Variants in MAMLD1 observed in about 807,000 individuals in gnomAD.
MAMLD1 encodes mastermind like domain containing 1.
MAMLD1 carries 14 observed loss-of-function variants against 45.0 expected under a neutral mutation model. That is an observed-to-expected ratio of 0.31 (90% confidence interval 0.21 to 0.49). MAMLD1 has a LOEUF of 0.49. MAMLD1 is among the 20% of genes least tolerant of loss of function. The probability of loss-of-function intolerance (pLI) is 0.99; values close to 1 mark genes in which losing one functional copy is unlikely to be tolerated. For synonymous variants in MAMLD1, 254 were observed against 247.8 expected, an observed-to-expected ratio of 1.02 and a Z score of -0.24; for missense variants, 543 against 603.6, an observed-to-expected ratio of 0.90 and a Z score of 1.05.
intron 1 of MAMLD1, among the ~76,000 whole-genome samples, chrX:150,412,974 C>T (rs1278340973): frequency 1.8e-5 from 2 of 111,249 alleles, no homozygotes; most frequent in Non-Finnish European, 3.8e-5. Context: ...GATCTGCCTG[C>T]CTCAGCCTCC....
rs1469334303 is a variant in MAMLD1 at position 150,514,029 on chromosome X, G to T, written c.*2070G>T. On this transcript the variant is annotated 3_prime_UTR_variant, in exon 8 of 8. Transcript: ENST00000370401. ...CTGTTATAGAAAACCCACACCCACT[G>T]TCCTGTAAACTTTTCTCAGTGTCCA... The T allele has an allele frequency of 3.5e-6, 1 of 287,722 alleles. No individual in the cohort carries two copies. Among genetic ancestry groups the T allele is most frequent in the African/African-American group, 2.7e-5 (1 of 36,383 alleles). 23.7% of individuals were successfully genotyped at this position (287,722 alleles called of 1,213,427 possible).
chrX:150,403,977 A>AAAGAAAGAAAGAAAGG (rs2033921433), intron 1 of MAMLD1, among the ~76,000 whole-genome samples: 1 of 99,080 alleles, frequency 1.0e-5, no homozygotes, highest in African/African-American at 3.9e-5. Flanking sequence ...AGAAAGAAAG[A>AAAGAAAGAAAGAAAGG]AAGAAAGAAA....
intron 5 of MAMLD1, among the ~76,000 whole-genome samples, chrX:150,476,892 A>C (rs905460876): frequency 4.4e-5 from 5 of 113,426 alleles, no homozygotes; most frequent in African/African-American, 1.6e-4. Flanking sequence ...GGTTGGGCCT[A>C]TGAAGAGGAT....
At chrX:150,408,975 G>A (rs782034477) in intron 1 of MAMLD1, among the ~76,000 whole-genome samples, 32 of 111,847 alleles carry the variant, frequency 2.9e-4, no homozygotes, top group African/African-American at 2.9e-4. Flanking sequence ...GGAATCTGGC[G>A]GAGAAGAATG....
intron 5 of MAMLD1, among the ~76,000 whole-genome samples, chrX:150,474,594 C>A (rs148348647): frequency 2.5e-3 from 275 of 112,065 alleles, no homozygotes; most frequent in African/African-American, 8.1e-3. Flanking sequence ...TATCTCCAGA[C>A]CCTGTACCCA....
rs144130475 is a variant in MAMLD1 at position 150,389,952 on chromosome X, T to C, written c.-64+26422T>C. ...ATGATAATGTAGCCACTAATGCTTT[T>C]GTAAAATTAATATTTGCATGGTATG... On this transcript the variant is annotated intron_variant, in intron 1 of 7. Transcript: ENST00000370401. Among the ~76,000 whole-genome samples the C allele has an allele frequency of 2.5e-3, 282 of 112,794 alleles. 1 individual carries two copies. Among genetic ancestry groups the C allele is most frequent in the African/African-American group, 8.8e-3 (273 of 31,040 alleles).
chrX:150,499,095 G>A (rs994821378), intron 5 of MAMLD1, among the ~76,000 whole-genome samples: 2 of 111,940 alleles, frequency 1.8e-5, no homozygotes, highest in African/African-American at 6.5e-5. Flanking sequence ...CTTGAACAAC[G>A]GAGGTTGGCT....
At chrX:150,384,942 C>G (rs1481165715) in intron 1 of MAMLD1, among the ~76,000 whole-genome samples, 2 of 110,873 alleles carry the variant, frequency 1.8e-5, no homozygotes, top group East Asian at 2.8e-4. Flanking sequence ...GTGGTGAGGA[C>G]ACTTAAAATC....
At chrX:150,398,186 C>T (rs1412297099) in intron 1 of MAMLD1, among the ~76,000 whole-genome samples, 1 of 102,807 alleles carries the variant, frequency 9.7e-6, no homozygotes, top group Non-Finnish European at 2.0e-5. Flanking sequence ...TGATGCTGGC[C>T]CCAGCCTACA....
rs138660979 is a variant in MAMLD1, at chrX:150,374,675, A to T, written c.-64+11145A>T. 1.3e-3 allele frequency among the ~76,000 whole-genome samples: 143 copies of T among 111,757 alleles called. 3 individuals carry two copies. In the East Asian group the frequency reaches 0.038, roughly 29 times the overall value. On this transcript the variant is annotated intron_variant, in intron 1 of 7. Transcript: ENST00000370401. Reference sequence around the variant, plus strand: ...TCAAAGAGCATGCAGTGTGTCCAGGATCTAGACAGTTTTAGAGATCCCAAT... The same window carrying T: ...TCAAAGAGCATGCAGTGTGTCCAGGTTCTAGACAGTTTTAGAGATCCCAAT...
intron 5 of MAMLD1, among the ~76,000 whole-genome samples, chrX:150,483,540 A>G (rs2036889331): frequency 8.9e-6 from 1 of 112,674 alleles, no homozygotes; most frequent in African/African-American, 3.2e-5. Flanking sequence ...CAAGGCTTGG[A>G]GGCCGATGAA....
intron 1 of MAMLD1, among the ~76,000 whole-genome samples, chrX:150,409,886 G>A (rs2034084088): frequency 8.9e-6 from 1 of 112,650 alleles, no homozygotes. Flanking sequence ...TTTGTGGGGA[G>A]GTGGGGGAAG....
chrX:150,406,084 G>A (rs1482026044), intron 1 of MAMLD1, among the ~76,000 whole-genome samples: 1 of 111,620 alleles, frequency 9.0e-6, no homozygotes, highest in Non-Finnish European at 1.9e-5. Flanking sequence ...CATATGTGCT[G>A]TGTGTCTTTC....
At chrX:150,403,458 A>G (rs898897466) in intron 1 of MAMLD1, among the ~76,000 whole-genome samples, 1 of 111,898 alleles carries the variant, frequency 8.9e-6, no homozygotes, top group Non-Finnish European at 1.9e-5. Flanking sequence ...ATTTTATGTT[A>G]TGTAGATTTT....
At chrX:150,413,748 CAA>C (rs2034179266) in intron 1 of MAMLD1, among the ~76,000 whole-genome samples, 1 of 110,476 alleles carries the variant, frequency 9.1e-6, no homozygotes, top group South Asian at 3.9e-4. Flanking sequence ...CCCTGAATAG[CAA>C]AGAGACTGTC....
chrX:150,495,655 G>A (rs1230965084), intron 5 of MAMLD1, among the ~76,000 whole-genome samples: 3 of 112,384 alleles, frequency 2.7e-5, no homozygotes, highest in Non-Finnish European at 5.6e-5. Context: ...CCAGGGTGGG[G>A]GACAGGCAGA....
intron 5 of MAMLD1, among the ~76,000 whole-genome samples, chrX:150,490,129 T>C (rs1326030816): frequency 9.0e-6 from 1 of 111,327 alleles, no homozygotes; most frequent in African/African-American, 3.3e-5. Context: ...CTGGAGGCAA[T>C]TATGTTTCCC....
chrX:150,494,153 T>C (rs2037282715), intron 5 of MAMLD1, among the ~76,000 whole-genome samples: 1 of 111,521 alleles, frequency 9.0e-6, no homozygotes, highest in Admixed American at 9.5e-5. Flanking sequence ...CCCAGCACTT[T>C]GGGAGGCCAA....
chrX:150,403,940 AAAAGAAAGAAAGAAAGAAAGAAAGAAAG>A (rs1167882848), intron 1 of MAMLD1, among the ~76,000 whole-genome samples: 10 of 58,877 alleles, frequency 1.7e-4, no homozygotes, highest in African/African-American at 6.5e-4. Context: ...AGAAAGAAAG[AAAAGAAAGAAAGAAAGAAAGAAAGAAAG>A]AAAGAAAGAA....
Sources: gnomAD v4.1 joint callset for allele counts (sites outside exome capture counted in the v4.1 genomes callset) on GRCh38, gnomAD v4.1.1 for gene constraint, MANE v1.5 for transcripts, NCBI Gene and HGNC (gene_info 2026-07-23, HGNC 2026-07-21) for gene names.